Variants in NAV2 observed in about 807,000 individuals in gnomAD.
NAV2 encodes the protein helicase, APC down-regulated 1.
In NAV2, 54 loss-of-function variants were observed where a neutral mutation model predicts 223.2. That is an observed-to-expected ratio of 0.24 (90% CI 0.19 to 0.30). The LOEUF is 0.30. Among genes scored for constraint, NAV2 ranks in the 10% least tolerant of loss-of-function variants. NAV2 has a pLI of 1.00. For synonymous variants in NAV2, 1,279 were observed against 1,239.3 expected (o/e 1.03, Z -0.67); for missense variants, 2,806 against 3,147.5 (o/e 0.89, Z 2.60).
intron 29 of NAV2, among the ~76,000 whole-genome samples, chr11:20,095,385 G>T (rs2061175745): frequency 6.6e-6 from 1 of 152,110 alleles, no homozygotes; most frequent in Admixed American, 6.5e-5. Flanking sequence ...TCCATACAAG[G>T]AATATGTGAT....
intron 1 of NAV2, among the ~76,000 whole-genome samples, chr11:19,657,741 C>T (rs763598614): frequency 2.6e-5 from 4 of 152,240 alleles, no homozygotes; most frequent in East Asian, 1.9e-4. Flanking sequence ...GACCCCTATG[C>T]GGGCAGAAAG....
intron 1 of NAV2, among the ~76,000 whole-genome samples, chr11:19,427,062 C>T (rs1850860764): frequency 6.6e-6 from 1 of 152,144 alleles, no homozygotes; most frequent in Admixed American, 6.5e-5. Context: ...CCGGGACACT[C>T]TTAGCCTCCA....
intron 5 of NAV2, among the ~76,000 whole-genome samples, chr11:19,883,833 A>G (rs1241876363): frequency 3.3e-5 from 5 of 152,236 alleles, no homozygotes; most frequent in African/African-American, 7.2e-5. Context: ...CCCCAAGGCC[A>G]GCAACATCTG....
chr11:19,946,183 G>A (rs2046922636), intron 8 of NAV2, among the ~76,000 whole-genome samples: 1 of 152,322 alleles, frequency 6.6e-6, no homozygotes, highest in Non-Finnish European at 1.5e-5. Flanking sequence ...ATTTAAGGAG[G>A]CACCTGAAGG....
intron 1 of NAV2, among the ~76,000 whole-genome samples, chr11:19,756,050 C>T (rs540650555): frequency 6.6e-6 from 1 of 152,276 alleles, no homozygotes; most frequent in Admixed American, 6.5e-5. Context: ...CCTTAATGAC[C>T]TCCACGTGGC....
At chr11:19,905,768 A>G (rs1367214029) in intron 6 of NAV2, among the ~76,000 whole-genome samples, 2 of 152,208 alleles carry the variant, frequency 1.3e-5, no homozygotes, top group South Asian at 2.1e-4. Flanking sequence ...CCTGACTCCA[A>G]GCTTTTGCTC....
intron 10 of NAV2, among the ~76,000 whole-genome samples, chr11:19,958,681 G>C (rs1035941573): frequency 3.9e-5 from 6 of 152,220 alleles, no homozygotes; most frequent in African/African-American, 1.4e-4. Context: ...CACTCAGCAG[G>C]GTTCGCTACC....
At chr11:19,965,287 A>G (rs898410340) in intron 10 of NAV2, among the ~76,000 whole-genome samples, 4 of 152,114 alleles carry the variant, frequency 2.6e-5, no homozygotes, top group Admixed American at 2.0e-4. Flanking sequence ...CCTGAATTCA[A>G]CCACTCATTT....
intron 10 of NAV2, among the ~76,000 whole-genome samples, chr11:19,966,149 A>G (rs2048752217): frequency 6.6e-6 from 1 of 152,210 alleles, no homozygotes. Flanking sequence ...CAAAGCAGTC[A>G]CGAGCCCTCC....
intron 1 of NAV2, among the ~76,000 whole-genome samples, chr11:19,691,066 T>C (rs79478487): frequency 0.016 from 2,370 of 152,292 alleles, 59 homozygotes; most frequent in African/African-American, 0.054. Context: ...TTGTTAAAAA[T>C]GTAGGCTTTG....
chr11:19,354,798 G>C (rs987146816), intron 1 of NAV2, among the ~76,000 whole-genome samples: 4 of 152,230 alleles, frequency 2.6e-5, no homozygotes, highest in African/African-American at 9.6e-5. Flanking sequence ...TCTGAGCAGA[G>C]ACCTTAGCGG....
At chr11:19,363,575 T>A (rs1166620358) in intron 1 of NAV2, among the ~76,000 whole-genome samples, 1 of 152,208 alleles carries the variant, frequency 6.6e-6, no homozygotes, top group Non-Finnish European at 1.5e-5. Flanking sequence ...TGATACCAAA[T>A]GTGGGTTGTT....
rs536396503 is a variant in NAV2, at chr11:19,948,936, G to C, written c.2501G>C (p.Arg834Pro). The change falls in exon 10 of 38, where the codon CGG (arginine) becomes CCG (proline). Residue 834 changes from arginine to proline, a missense_variant. Arg to Pro is a moderately radical substitution (Grantham distance 103). Around this residue, in one of 4 missense-constraint regions of NAV2, gnomAD observed 1,167 missense variants for 1,180.5 expected, o/e 0.99. Transcript: ENST00000349880. ...CCTCTGAGAAGGCAGCTGGCCTCCC[G>C]GGGCAGTAGTGTCTGCCATGTGGAC... ...SAPLRRQLASRGSSVCHVDVS... is the reference protein window; with the variant it reads ...SAPLRRQLASPGSSVCHVDVS... 1.9e-6 allele frequency: 3 copies of C among 1,613,814 alleles called. No individual in the cohort carries two copies. Among genetic ancestry groups the C allele is most frequent in the Non-Finnish European group, 2.5e-6 (3 of 1,179,896 alleles).
intron 6 of NAV2, among the ~76,000 whole-genome samples, chr11:19,909,505 A>G (rs7131523): frequency 0.17 from 26,130 of 152,160 alleles, 2,492 homozygotes; most frequent in East Asian, 0.4. Flanking sequence ...TGAGTTGTCA[A>G]TTGATCCTAA....
intron 1 of NAV2, among the ~76,000 whole-genome samples, chr11:19,460,149 A>T (rs1802987949): frequency 6.6e-6 from 1 of 152,210 alleles, no homozygotes; most frequent in South Asian, 2.1e-4. Flanking sequence ...ATGGTGTTTC[A>T]CACATAGTCA....
chr11:19,372,297 AGCTGAAAAGT>A (rs1411078108), intron 1 of NAV2, among the ~76,000 whole-genome samples: 3 of 152,172 alleles, frequency 2.0e-5, no homozygotes, highest in Non-Finnish European at 4.4e-5. Flanking sequence ...TTGATTCCCT[AGCTGAAAAGT>A]GCTGAATAGA....
chr11:19,737,344 G>A (rs150579732), intron 1 of NAV2, among the ~76,000 whole-genome samples: 2 of 152,200 alleles, frequency 1.3e-5, no homozygotes, highest in African/African-American at 4.8e-5. Flanking sequence ...GCTATGCATC[G>A]TGGGGAGTTA....
intron 3 of NAV2, among the ~76,000 whole-genome samples, chr11:19,857,903 C>G (rs1405055903): frequency 6.6e-6 from 1 of 152,188 alleles, no homozygotes; most frequent in African/African-American, 2.4e-5. Flanking sequence ...GTCGCCCAGG[C>G]TAGAGTGCAG....
At chr11:19,650,706 T>C (rs1180889695) in intron 1 of NAV2, among the ~76,000 whole-genome samples, 1 of 152,160 alleles carries the variant, frequency 6.6e-6, no homozygotes, top group African/African-American at 2.4e-5. Flanking sequence ...ATATGCAAAT[T>C]GTGGTGTATT....
Sources: gnomAD v4.1 joint callset for allele counts (sites outside exome capture counted in the v4.1 genomes callset) on GRCh38, gnomAD v4.1.1 for gene constraint, gnomAD v4.1.1 regional missense constraint, MANE v1.5 for transcripts, NCBI Gene and HGNC (gene_info 2026-07-23, HGNC 2026-07-21) for gene names.